The following CDH4 variants were observed in gnomAD, a reference collection of about 807,000 sequenced individuals.
CDH4 encodes the protein cadherin-4.
Under a neutral mutation model 86.0 loss-of-function variants are expected in CDH4, and 33 were observed. The ratio of observed to expected loss-of-function variants is 0.38; its 90% CI spans 0.29 to 0.51. The LOEUF is 0.51. CDH4 is among the 20% of genes least tolerant of loss of function. The pLI, the probability that CDH4 is intolerant of heterozygous loss-of-function variation, is 0.86. For missense variants in CDH4, 1,114 were observed against 1,307.4 expected, an observed-to-expected ratio of 0.85 and a Z score of 2.28; for synonymous variants, 555 against 549.4, an observed-to-expected ratio of 1.01 and a Z score of -0.14.
chr20:61,821,304 TCAGTCC>T (rs1471718637), intron 4 of CDH4, among the ~76,000 whole-genome samples: 1 of 92,690 alleles, frequency 1.1e-5, no homozygotes, highest in Non-Finnish European at 2.1e-5. Context: ...ACTGCTCCAG[TCAGTCC>T]CCTCTCACTC....
At chr20:61,568,540 G>A (rs114377649) in intron 2 of CDH4, among the ~76,000 whole-genome samples, 2,595 of 152,320 alleles carry the variant, frequency 0.017, 77 homozygotes, top group African/African-American at 0.059. Flanking sequence ...AGCGCATATA[G>A]CCAGACACGT....
Position 61,337,450 on chromosome 20 carries a change from TGAG to T in CDH4, c.169+82517_169+82519del, listed in dbSNP as rs1272041521. Among the ~76,000 whole-genome samples the T allele has an allele frequency of 4.0e-5, 6 of 151,504 alleles. No individual in the cohort carries two copies. The South Asian group carries it at 1.3e-3, about 32-fold the overall frequency. On this transcript the variant is annotated intron_variant, in intron 2 of 15. Coordinates refer to ENST00000614565, the MANE Select transcript of CDH4 (RefSeq NM_001794.5). ...TGATGATGCTGATAACAATGGATGA[TGAG>T]GAGAAGAAAGAGGGTGATGATGATA...
chr20:61,312,453 C>T (rs558481661), intron 2 of CDH4, among the ~76,000 whole-genome samples: 1 of 152,186 alleles, frequency 6.6e-6, no homozygotes, highest in African/African-American at 2.4e-5. Flanking sequence ...GCTTGGTGAT[C>T]ATGGGCCCTG....
Position 61,367,035 on chromosome 20 carries a change from C to T in CDH4, c.169+112098C>T, listed in dbSNP as rs142878264. Among the ~76,000 whole-genome samples the T allele has an allele frequency of 4.7e-3, 709 of 152,304 alleles. 5 individuals are homozygous for T. Among genetic ancestry groups the T allele is most frequent in the African/African-American group, 0.017 (687 of 41,570 alleles). On this transcript the variant is annotated intron_variant, in intron 2 of 15. Transcript: ENST00000614565. The stretch of plus-strand genomic sequence containing the variant: ...AGACAGCGGGGCCCATCGACCCCAC[C>T]CACCCCATTGCTGACAGAGAGCCAT...
intron 2 of CDH4, among the ~76,000 whole-genome samples, chr20:61,326,024 C>A (rs2084535350): frequency 6.6e-6 from 1 of 152,202 alleles, no homozygotes; most frequent in Non-Finnish European, 1.5e-5. Flanking sequence ...TCCTAATATA[C>A]CCGTGATAGT....
At chr20:61,348,304 A>G (rs1427024774) in intron 2 of CDH4, among the ~76,000 whole-genome samples, 1 of 152,186 alleles carries the variant, frequency 6.6e-6, no homozygotes, top group Non-Finnish European at 1.5e-5. Flanking sequence ...AAATCATCAG[A>G]TCCCATGAGA....
intron 4 of CDH4, among the ~76,000 whole-genome samples, chr20:61,812,369 C>T (rs1254764332): frequency 6.6e-6 from 1 of 152,146 alleles, no homozygotes; most frequent in East Asian, 1.9e-4. Flanking sequence ...GTGGGGCTGC[C>T]ATGGGCCAAG....
chr20:61,630,193 G>A (rs879331639), intron 2 of CDH4, among the ~76,000 whole-genome samples: 14 of 152,220 alleles, frequency 9.2e-5, no homozygotes, highest in African/African-American at 2.7e-4. Flanking sequence ...CCAGTCAGGC[G>A]TCTGCCAGCT....
rs966442006 is a variant in CDH4, at chr20:61,879,795, C to T, written c.1050+5895C>T. Among the ~76,000 whole-genome samples the T allele has an allele frequency of 3.9e-5, 6 of 152,172 alleles. No individual in the cohort carries two copies. Among genetic ancestry groups the T allele is most frequent in the East Asian group, 1.9e-4 (1 of 5,180 alleles). ...GATTGTTGGGCAGTGAAATTAGCAC[C>T]GGGCCAGCATTGTTCTCAGCGTCCC... On this transcript the variant is annotated intron_variant, in intron 7 of 15. Transcript: ENST00000614565. This position sits in a 1 kb window ranked among gnomAD's most constrained non-coding sequence, Gnocchi z 4.1.
intron 2 of CDH4, among the ~76,000 whole-genome samples, chr20:61,627,847 C>T (rs1229888779): frequency 6.6e-6 from 1 of 152,050 alleles, no homozygotes; most frequent in East Asian, 1.9e-4. Context: ...CACTTCTAGC[C>T]CTTCGTCCTT....
In CDH4 at chr20:61,518,526, C is replaced by T. The variant is rs1034023591; in HGVS notation, c.170-225037C>T. Among the ~76,000 whole-genome samples, 1 of 151,822 alleles carries T rather than the reference C, an allele frequency of 6.6e-6. No individual in the cohort carries two copies. ...TCCATCCATCCGTCCATCTATCATC[C>T]ATCCATCTATCCATCATTCATCCAT... On this transcript the variant is annotated intron_variant, in intron 2 of 15. Coordinates refer to ENST00000614565, the MANE Select transcript of CDH4 (RefSeq NM_001794.5). The surrounding 1 kb of genome is among the most constrained non-coding windows in gnomAD (Gnocchi z 6.3).
At chr20:61,819,646 G>T (rs1486773625) in intron 4 of CDH4, among the ~76,000 whole-genome samples, 1 of 152,166 alleles carries the variant, frequency 6.6e-6, no homozygotes, top group Admixed American at 6.5e-5. Context: ...TAGCCTTGTG[G>T]GTTTTCTCCC....
rs1168356032 is a variant in CDH4, at chr20:61,676,370, A to G, written c.170-67193A>G. 2.6e-5 allele frequency among the ~76,000 whole-genome samples: 4 copies of G among 152,192 alleles called. No individual in the cohort carries two copies. In the East Asian group the frequency reaches 7.7e-4, roughly 29 times the overall value. ...GGGATTGCATTAGCACCTTCTTTCC[A>G]TTCCAATTTGGATCTTCCAAGGCAT... On this transcript the variant is annotated intron_variant, in intron 2 of 15. Transcript: ENST00000614565. This position sits in a 1 kb window ranked among gnomAD's most constrained non-coding sequence, Gnocchi z 4.5.
chr20:61,358,869 G>A (rs931561665), intron 2 of CDH4, among the ~76,000 whole-genome samples: 5 of 152,282 alleles, frequency 3.3e-5, no homozygotes, highest in South Asian at 2.1e-4. Flanking sequence ...GCCGTCATGC[G>A]GCATGCTCAC....
rs531156898 is a variant in CDH4, at chr20:61,708,185, G to A, written c.170-35378G>A. On this transcript the variant is annotated intron_variant, in intron 2 of 15. Transcript: ENST00000614565. This position sits in a 1 kb window ranked among gnomAD's most constrained non-coding sequence, Gnocchi z 4.5. ...CCGGGAGGAAAACCTAGGAAGAAGG[G>A]CTGGTGCTGCCCGCAAGTGCCTGGA... 2.4e-4 allele frequency among the ~76,000 whole-genome samples: 36 copies of A among 152,300 alleles called. No homozygotes were observed. Among genetic ancestry groups the A allele is most frequent in the South Asian group, 4.1e-4 (2 of 4,832 alleles).
intron 2 of CDH4, among the ~76,000 whole-genome samples, chr20:61,577,890 A>C (rs555230287): frequency 1.3e-4 from 20 of 152,168 alleles, no homozygotes; most frequent in Non-Finnish European, 2.8e-4. Flanking sequence ...AACTAGCCTG[A>C]GGCAAAGCTG....
chr20:61,663,701 G>C lies in CDH4; in HGVS notation c.170-79862G>C, dbSNP rs1355878682. Among the ~76,000 whole-genome samples the C allele has an allele frequency of 6.6e-6, 1 of 152,000 alleles. No individual in the cohort carries two copies. The highest frequency in any genetic ancestry group is 2.4e-5 in the African/African-American group (1 of 41,358). On this transcript the variant is annotated intron_variant, in intron 2 of 15. Transcript: ENST00000614565. The surrounding 1 kb of genome is among the most constrained non-coding windows in gnomAD (Gnocchi z 5.0). Reference sequence around the variant, plus strand: ...GCTGTCTTCCCGGCGGGAGCTGGCGGTACTGAGGAAGGACGTGCAGAACCA... The same window carrying C: ...GCTGTCTTCCCGGCGGGAGCTGGCGCTACTGAGGAAGGACGTGCAGAACCA...
chr20:61,380,004 T>C (rs1002386888), intron 2 of CDH4, among the ~76,000 whole-genome samples: 1 of 152,142 alleles, frequency 6.6e-6, no homozygotes, highest in African/African-American at 2.4e-5. Flanking sequence ...TTACAAAGAC[T>C]AATTTGACAT....
chr20:61,799,503 GC>G (rs1245241211), intron 4 of CDH4, among the ~76,000 whole-genome samples: 1 of 152,202 alleles, frequency 6.6e-6, no homozygotes, highest in South Asian at 2.1e-4. Flanking sequence ...CAGAGCCTGG[GC>G]CTGCGTTTCC....
Sources: gnomAD v4.1 joint callset for allele counts (sites outside exome capture counted in the v4.1 genomes callset) on GRCh38, gnomAD v4.1.1 for gene constraint, Gnocchi (gnomAD v3.1) non-coding constraint, MANE v1.5 for transcripts, NCBI Gene and HGNC (gene_info 2026-07-23, HGNC 2026-07-21) for gene names.